ROBO1: variants seen among roughly 807,000 people sequenced by gnomAD.
ROBO1 encodes roundabout guidance receptor 1.
Under a neutral mutation model 195.9 loss-of-function variants are expected in ROBO1, and 149 were observed. The observed-to-expected ratio is 0.76, with a 90% CI of 0.67 to 0.87. The LOEUF (loss-of-function observed/expected upper bound fraction) is 0.87. ROBO1 is among the 40% of genes least tolerant of loss of function. The pLI is 0.00. For missense variants in ROBO1, 1,933 were observed against 2,068.3 expected, an observed-to-expected ratio of 0.93 and a Z score of 1.27; for synonymous variants, 816 against 733.2, an observed-to-expected ratio of 1.11 and a Z score of -1.82.
rs536158174 is a variant in ROBO1, at chr3:78,786,564, G to A, written c.500-39664C>T. Among the ~76,000 whole-genome samples the A allele has an allele frequency of 1.4e-4, 22 of 152,154 alleles. 1 individual carries two copies. The highest frequency in any genetic ancestry group is 2.1e-4 in the South Asian group (1 of 4,828). ...GTAGCTCCCATAATCTCCACATGTC[G>A]TGGGAGGGACCCGGTAGGAGGTAAT... is the stretch of plus-strand genomic sequence containing the variant. On this transcript the variant is annotated intron_variant, in intron 4 of 30. Coordinates refer to ENST00000464233, the MANE Select transcript of ROBO1 (RefSeq NM_002941.4).
chr3:79,575,604 C>CTTG (rs978100254), intron 2 of ROBO1, among the ~76,000 whole-genome samples: 1 of 143,182 alleles, frequency 7.0e-6, no homozygotes, highest in African/African-American at 2.6e-5. Context: ...ATATAATTTT[C>CTTG]TTGTTGTAAA....
intron 7 of ROBO1, among the ~76,000 whole-genome samples, chr3:78,715,807 A>G (rs933765230): frequency 6.6e-6 from 1 of 152,174 alleles, no homozygotes; most frequent in Non-Finnish European, 1.5e-5. Flanking sequence ...AAGTGCTCAG[A>G]TTGCAGGTGT....
chr3:78,733,666 C>T (rs575449288), intron 5 of ROBO1, among the ~76,000 whole-genome samples: 19 of 152,108 alleles, frequency 1.2e-4, no homozygotes, highest in Admixed American at 1.2e-3. Context: ...ATTAAATAAA[C>T]TATTTAGGAC....
chr3:79,652,341 G>A (rs901937360), intron 1 of ROBO1, among the ~76,000 whole-genome samples: 5 of 91,404 alleles, frequency 5.5e-5, no homozygotes, highest in South Asian at 3.0e-4. Flanking sequence ...TTCCACACTT[G>A]TTAGCTTTCT....
At chr3:78,814,025 T>C (rs1397114949) in intron 4 of ROBO1, among the ~76,000 whole-genome samples, 1 of 151,996 alleles carries the variant, frequency 6.6e-6, no homozygotes, top group East Asian at 1.9e-4. Context: ...ATATGCCAGT[T>C]TTCTTCTTAG....
intron 2 of ROBO1, among the ~76,000 whole-genome samples, chr3:79,540,384 A>T (rs1465679283): frequency 2.0e-5 from 3 of 152,106 alleles, no homozygotes; most frequent in African/African-American, 4.8e-5. Flanking sequence ...TTTTAGTTTT[A>T]TAGGTTACAT....
intron 2 of ROBO1, among the ~76,000 whole-genome samples, chr3:79,293,572 C>T (rs1004137049): frequency 2.6e-5 from 4 of 152,072 alleles, no homozygotes; most frequent in African/African-American, 7.2e-5. Flanking sequence ...GATTCTGGTA[C>T]ATTGTGTCTG....
chr3:79,223,043 C>T (rs1267353273), intron 2 of ROBO1, among the ~76,000 whole-genome samples: 1 of 152,052 alleles, frequency 6.6e-6, no homozygotes, highest in Non-Finnish European at 1.5e-5. Flanking sequence ...ATGAGTTCTC[C>T]GGTAGGTACT....
intron 1 of ROBO1, among the ~76,000 whole-genome samples, chr3:79,705,921 T>C (rs767048790): frequency 9.2e-5 from 14 of 152,120 alleles, no homozygotes; most frequent in Non-Finnish European, 1.6e-4. Flanking sequence ...ATTCCATTTT[T>C]GGTGCTGATA....
chr3:79,761,248 A>C (rs1198410845), intron 1 of ROBO1, among the ~76,000 whole-genome samples: 1 of 150,612 alleles, frequency 6.6e-6, no homozygotes, highest in East Asian at 1.9e-4. Flanking sequence ...AACTTGAATT[A>C]ATCATAAAAA....
chr3:78,809,819 A>G (rs2084676284), intron 4 of ROBO1, among the ~76,000 whole-genome samples: 2 of 151,304 alleles, frequency 1.3e-5, no homozygotes, highest in Non-Finnish European at 3.0e-5. Context: ...GGAGGGGAAC[A>G]TCACACACCG....
intron 1 of ROBO1, among the ~76,000 whole-genome samples, chr3:79,693,381 ATT>A (rs1166137887): frequency 2.5e-4 from 28 of 110,724 alleles, no homozygotes; most frequent in African/African-American, 1.0e-3. Context: ...ATATATAGAG[ATT>A]TGTGTGTGTG....
intron 2 of ROBO1, among the ~76,000 whole-genome samples, chr3:79,183,449 C>A (rs2081381872): frequency 1.3e-5 from 2 of 152,192 alleles, no homozygotes; most frequent in Admixed American, 1.3e-4. Context: ...AGGTTTGGAA[C>A]AGCCTCTTGA....
At chr3:78,731,993 T>C (rs1417803255) in intron 5 of ROBO1, among the ~76,000 whole-genome samples, 1 of 152,106 alleles carries the variant, frequency 6.6e-6, no homozygotes, top group African/African-American at 2.4e-5. Flanking sequence ...ATACATAGCA[T>C]TGTTACATGC....
intron 2 of ROBO1, among the ~76,000 whole-genome samples, chr3:79,421,199 C>G (rs766054177): frequency 6.6e-6 from 1 of 151,926 alleles, no homozygotes; most frequent in Non-Finnish European, 1.5e-5. Flanking sequence ...AAGAAGGGAA[C>G]AGTAAACACT....
chr3:79,192,281 A>G (rs558891843), intron 2 of ROBO1, among the ~76,000 whole-genome samples: 2 of 151,690 alleles, frequency 1.3e-5, no homozygotes, highest in Non-Finnish European at 3.0e-5. Flanking sequence ...TATATAACAG[A>G]TATAAACTGA....
intron 4 of ROBO1, among the ~76,000 whole-genome samples, chr3:78,782,856 A>G (rs1026413004): frequency 3.9e-5 from 6 of 152,104 alleles, no homozygotes; most frequent in Non-Finnish European, 7.4e-5. Flanking sequence ...TGACTGTTTC[A>G]TCTTTATATT....
chr3:78,793,102 CAG>C (rs1220540602), intron 4 of ROBO1, among the ~76,000 whole-genome samples: 12 of 139,278 alleles, frequency 8.6e-5, no homozygotes, highest in African/African-American at 3.0e-4. Context: ...GCCTGGGTGA[CAG>C]AGTGAGACAA....
chr3:79,194,139 T>C (rs929735377), intron 2 of ROBO1, among the ~76,000 whole-genome samples: 3 of 151,734 alleles, frequency 2.0e-5, no homozygotes, highest in Admixed American at 6.6e-5. Flanking sequence ...TAAATATAAA[T>C]AAAATTGTCT....
Sources: gnomAD v4.1 joint callset for allele counts (sites outside exome capture counted in the v4.1 genomes callset) on GRCh38, gnomAD v4.1.1 for gene constraint, MANE v1.5 for transcripts, NCBI Gene and HGNC (gene_info 2026-07-23, HGNC 2026-07-21) for gene names.